The following NKAIN2 variants were observed in gnomAD, a reference collection of about 807,000 sequenced individuals.
NKAIN2 encodes the protein sodium/potassium-transporting ATPase subunit beta-1-interacting protein 2.
In NKAIN2, 14 loss-of-function variants were observed where a neutral mutation model predicts 32.6. That is an observed-to-expected ratio of 0.43 (90% CI 0.28 to 0.67). The LOEUF (loss-of-function observed/expected upper bound fraction) is 0.67. Ranked by LOEUF, NKAIN2 falls within the 30% of genes least tolerant of loss-of-function variation. The pLI, the probability that NKAIN2 is intolerant of heterozygous loss-of-function variation, is 0.17. For synonymous variants in NKAIN2, 80 were observed against 87.2 expected (o/e 0.92, Z 0.46); for missense variants, 198 against 258.3 (o/e 0.77, Z 1.60).
chr6:124,178,268 C>T (rs1290105880), intron 1 of NKAIN2, among the ~76,000 whole-genome samples: 5 of 151,582 alleles, frequency 3.3e-5, no homozygotes, highest in African/African-American at 1.2e-4. Context: ...TATTTTGTTA[C>T]AGCAGCCAAA....
chr6:124,008,021 G>A (rs1780151228), intron 1 of NKAIN2, among the ~76,000 whole-genome samples: 1 of 152,156 alleles, frequency 6.6e-6, no homozygotes, highest in Non-Finnish European at 1.5e-5. Context: ...AATGGCATGG[G>A]ACCGTGTCCT....
chr6:124,154,379 G>T (rs992350183), intron 1 of NKAIN2, among the ~76,000 whole-genome samples: 1 of 151,814 alleles, frequency 6.6e-6, no homozygotes, highest in African/African-American at 2.4e-5. Context: ...GCAATGTAAG[G>T]TTTTTTCCTT....
intron 3 of NKAIN2, among the ~76,000 whole-genome samples, chr6:124,647,894 T>C (rs1343870459): frequency 6.6e-6 from 1 of 152,166 alleles, no homozygotes; most frequent in Non-Finnish European, 1.5e-5. Context: ...GTGACTAACA[T>C]GCTCTGTAAA....
intron 1 of NKAIN2, among the ~76,000 whole-genome samples, chr6:124,228,322 T>G (rs1792230009): frequency 6.6e-6 from 1 of 152,144 alleles, no homozygotes; most frequent in African/African-American, 2.4e-5. Context: ...CATATGAGTA[T>G]ACAACAAGAA....
intron 1 of NKAIN2, among the ~76,000 whole-genome samples, chr6:123,811,886 A>T (rs1182064862): frequency 1.3e-5 from 2 of 152,062 alleles, no homozygotes; most frequent in African/African-American, 4.8e-5. Context: ...ACTAGATAAT[A>T]TGCTATGCGC....
intron 1 of NKAIN2, among the ~76,000 whole-genome samples, chr6:124,072,401 C>G (rs1582583871): frequency 6.6e-6 from 1 of 152,108 alleles, no homozygotes; most frequent in Non-Finnish European, 1.5e-5. Flanking sequence ...TATCCCAAAC[C>G]TCAGCATCAC....
At chr6:124,429,910 TCGGG>T (rs1775141845) in intron 3 of NKAIN2, among the ~76,000 whole-genome samples, 1 of 152,002 alleles carries the variant, frequency 6.6e-6, no homozygotes, top group African/African-American at 2.4e-5. Flanking sequence ...AGAATTAGCA[TCGGG>T]GACAGAGCTG....
At chr6:124,119,351 G>A (rs528891680) in intron 1 of NKAIN2, among the ~76,000 whole-genome samples, 1 of 152,246 alleles carries the variant, frequency 6.6e-6, no homozygotes, top group South Asian at 2.1e-4. Flanking sequence ...GTGCACCTGG[G>A]AATGATCACC....
chr6:123,994,239 C>A (rs1352002867), intron 1 of NKAIN2, among the ~76,000 whole-genome samples: 1 of 151,314 alleles, frequency 6.6e-6, no homozygotes, highest in Non-Finnish European at 1.5e-5. Flanking sequence ...TAGCATCCAC[C>A]AACCTGCTAC....
At chr6:124,550,738 G>A (rs1247010369) in intron 3 of NKAIN2, among the ~76,000 whole-genome samples, 2 of 152,228 alleles carry the variant, frequency 1.3e-5, no homozygotes, top group African/African-American at 2.4e-5. Flanking sequence ...CAGGGCACAA[G>A]TGGAGGGGCT....
intron 1 of NKAIN2, among the ~76,000 whole-genome samples, chr6:124,203,354 A>T (rs759387016): frequency 1.3e-5 from 2 of 151,846 alleles, no homozygotes; most frequent in Non-Finnish European, 2.9e-5. Context: ...AGCTGTATTA[A>T]AACTATGGGT....
At chr6:123,982,043 T>C (rs1335775962) in intron 1 of NKAIN2, among the ~76,000 whole-genome samples, 1 of 152,194 alleles carries the variant, frequency 6.6e-6, no homozygotes, top group Non-Finnish European at 1.5e-5. Flanking sequence ...GTAGGTTAAG[T>C]CTAGCAAAAA....
At chr6:124,716,243 C>T (rs1426580706) in intron 4 of NKAIN2, among the ~76,000 whole-genome samples, 1 of 152,192 alleles carries the variant, frequency 6.6e-6, no homozygotes, top group African/African-American at 2.4e-5. Flanking sequence ...GCCTACTGCA[C>T]CCACCAACTT....
chr6:124,522,241 T>C (rs1779144228), intron 3 of NKAIN2, among the ~76,000 whole-genome samples: 1 of 152,238 alleles, frequency 6.6e-6, no homozygotes, highest in South Asian at 2.1e-4. Flanking sequence ...AATGATGCTA[T>C]GTTCATGTAA....
At chr6:123,808,068 T>G (rs1773294511) in intron 1 of NKAIN2, among the ~76,000 whole-genome samples, 1 of 152,158 alleles carries the variant, frequency 6.6e-6, no homozygotes, top group African/African-American at 2.4e-5. Flanking sequence ...TTATGGAATA[T>G]TTCAGTGATC....
intron 1 of NKAIN2, among the ~76,000 whole-genome samples, chr6:123,966,513 A>C (rs539076286): frequency 3.9e-5 from 6 of 152,284 alleles, no homozygotes; most frequent in African/African-American, 4.8e-5. Flanking sequence ...CTATCTTTGT[A>C]ATCCATCACA....
At chr6:124,290,354 A>C (rs1795744632) in intron 2 of NKAIN2, among the ~76,000 whole-genome samples, 2 of 151,334 alleles carry the variant, frequency 1.3e-5, no homozygotes, top group Non-Finnish European at 1.5e-5. Context: ...TGATATGTTT[A>C]AGTATTAGTT....
chr6:124,513,513 C>A (rs1778794655), intron 3 of NKAIN2, among the ~76,000 whole-genome samples: 2 of 152,020 alleles, frequency 1.3e-5, no homozygotes, highest in African/African-American at 2.4e-5. Flanking sequence ...TCTTTTTCTT[C>A]TGTTTGAAGT....
intron 4 of NKAIN2, among the ~76,000 whole-genome samples, chr6:124,757,991 A>C (rs1447685481): frequency 6.6e-6 from 1 of 152,194 alleles, no homozygotes; most frequent in Non-Finnish European, 1.5e-5. Context: ...AAGAGAACAA[A>C]GTTGTGAATA....
Sources: gnomAD v4.1 joint callset for allele counts (sites outside exome capture counted in the v4.1 genomes callset) on GRCh38, gnomAD v4.1.1 for gene constraint, MANE v1.5 for transcripts, NCBI Gene and HGNC (gene_info 2026-07-23, HGNC 2026-07-21) for gene names.